The following SSPN variants were observed in gnomAD, a reference collection of about 807,000 sequenced individuals.
SSPN encodes K-ras oncogene-associated protein.
SSPN carries 15 observed loss-of-function variants against 19.1 expected under a neutral mutation model. The ratio of observed to expected loss-of-function variants is 0.78; its 90% CI spans 0.52 to 1.21. The LOEUF is 1.21. Among genes scored for constraint, SSPN ranks in the 50% most tolerant of loss-of-function variants. The pLI is 0.00. For synonymous variants in SSPN, 147 were observed against 140.3 expected, an observed-to-expected ratio of 1.05 and a Z score of -0.34; for missense variants, 291 against 314.0, an observed-to-expected ratio of 0.93 and a Z score of 0.55.
At chr12:26,186,781 A>G (rs1317036415) in intron 1 of SSPN, among the ~76,000 whole-genome samples, 1 of 152,244 alleles carries the variant, frequency 6.6e-6, no homozygotes, top group East Asian at 1.9e-4. Context: ...TAACCATTCA[A>G]CAAGTATGGA....
At chr12:26,170,303 A>G (rs909598982) in intron 1 of SSPN, among the ~76,000 whole-genome samples, 1 of 152,236 alleles carries the variant, frequency 6.6e-6, no homozygotes, top group Non-Finnish European at 1.5e-5. Flanking sequence ...ACTACAATAA[A>G]TTATTCTGTT....
At chr12:26,171,609 G>A (rs1336381523) in intron 1 of SSPN, among the ~76,000 whole-genome samples, 1 of 124,932 alleles carries the variant, frequency 8.0e-6, no homozygotes. Flanking sequence ...TTAGAATAAT[G>A]CCCCTGTTTT....
chr12:26,124,224 C>A, intron 1 of SSPN: 1 of 1,278,538 alleles, frequency 7.8e-7, no homozygotes, highest in Non-Finnish European at 1.1e-6. Flanking sequence ...GTAAGCGAAA[C>A]ATTCACTTAT....
intron 1 of SSPN, among the ~76,000 whole-genome samples, chr12:26,153,392 A>G (rs1019701819): frequency 6.6e-6 from 1 of 152,174 alleles, no homozygotes; most frequent in African/African-American, 2.4e-5. Flanking sequence ...CAAAGTACCT[A>G]TCACTGTCTA....
At chr12:26,131,437 G>A (rs1391591502) in intron 1 of SSPN, among the ~76,000 whole-genome samples, 1 of 152,226 alleles carries the variant, frequency 6.6e-6, no homozygotes, top group Non-Finnish European at 1.5e-5. Context: ...TGTGCCTTCT[G>A]CCTCTGGCAG....
intron 1 of SSPN, among the ~76,000 whole-genome samples, chr12:26,183,045 C>T (rs1047822899): frequency 3.3e-5 from 5 of 152,086 alleles, no homozygotes; most frequent in South Asian, 2.1e-4. Context: ...GGATTACAGG[C>T]GTGAGCCACT....
chr12:26,179,690 C>A (rs2137440430), intron 1 of SSPN, among the ~76,000 whole-genome samples: 1 of 152,198 alleles, frequency 6.6e-6, no homozygotes, highest in Admixed American at 6.5e-5. Context: ...TCCTAATAGG[C>A]CCTACAGAAT....
At chr12:26,137,315 C>T (rs935435530) in intron 1 of SSPN, among the ~76,000 whole-genome samples, 1 of 152,094 alleles carries the variant, frequency 6.6e-6, no homozygotes, top group Non-Finnish European at 1.5e-5. Flanking sequence ...TCCCAAAAAC[C>T]CAGACAAAAA....
chr12:26,229,009 A>G (rs1243727289), intron 2 of SSPN, among the ~76,000 whole-genome samples: 1 of 152,122 alleles, frequency 6.6e-6, no homozygotes, highest in Non-Finnish European at 1.5e-5. Flanking sequence ...TGATGGTACC[A>G]CTTTGTATAT....
rs1196464264 is a variant in SSPN at position 26,218,405 on chromosome 12, G to A, written c.280-5888G>A. ...CTAATGCTAGATGACGAGTTAGTGG[G>A]TGCAGCGCACCAGCATGGCACCTGT... On this transcript the variant is annotated intron_variant, in intron 1 of 2. Transcript: ENST00000242729. Among the ~76,000 whole-genome samples the A allele has an allele frequency of 2.3e-4, 26 of 110,898 alleles. 1 individual carries two copies. The highest frequency in any genetic ancestry group is 4.7e-4 in the Non-Finnish European group (26 of 55,552). The allele number at this position is 110,898 out of a possible 152,430, so 72.8% of individuals were successfully genotyped here.
At chr12:26,195,997 A>G in intron 1 of SSPN, 46 bp downstream of exon 1, 1 of 1,402,480 alleles carries the variant, frequency 7.1e-7, no homozygotes, top group African/African-American at 1.5e-5. Context: ...CCAAACAGGA[A>G]TGCGAAGTCG....
At chr12:26,215,364 A>G (rs1945036304) in intron 1 of SSPN, among the ~76,000 whole-genome samples, 1 of 152,204 alleles carries the variant, frequency 6.6e-6, no homozygotes, top group Non-Finnish European at 1.5e-5. Flanking sequence ...AGTAATGAGT[A>G]ATGTGCCAAA....
chr12:26,198,581 C>T (rs1042239049), intron 1 of SSPN, among the ~76,000 whole-genome samples: 2 of 152,212 alleles, frequency 1.3e-5, no homozygotes, highest in African/African-American at 4.8e-5. Context: ...TGTCACTCTT[C>T]AGAGGAAAGG....
At chr12:26,191,232 T>C (rs1944785592), upstream of SSPN, among the ~76,000 whole-genome samples, 1 of 152,220 alleles carries the variant, frequency 6.6e-6, no homozygotes, top group South Asian at 2.1e-4. Context: ...CAAAATTACA[T>C]GTAGAAAAAT....
intron 2 of SSPN, among the ~76,000 whole-genome samples, chr12:26,226,601 C>T (rs1222397955): frequency 6.6e-6 from 1 of 152,094 alleles, no homozygotes; most frequent in Non-Finnish European, 1.5e-5. Flanking sequence ...TTCCTTTTTC[C>T]TCCCTGGGCT....
At chr12:26,169,152 T>C (rs535917635) in intron 1 of SSPN, among the ~76,000 whole-genome samples, 5 of 152,290 alleles carry the variant, frequency 3.3e-5, no homozygotes, top group Admixed American at 1.3e-4. Context: ...TTTATTTCTT[T>C]AGTTTTGAAA....
intron 1 of SSPN, among the ~76,000 whole-genome samples, chr12:26,185,526 C>T (rs966280495): frequency 6.6e-6 from 1 of 152,152 alleles, no homozygotes; most frequent in African/African-American, 2.4e-5. Flanking sequence ...CCTCTACCCC[C>T]CTGGGCAGGG....
At chr12:26,221,966 A>G (rs1945126465) in intron 1 of SSPN, among the ~76,000 whole-genome samples, 1 of 152,218 alleles carries the variant, frequency 6.6e-6, no homozygotes, top group Non-Finnish European at 1.5e-5. Flanking sequence ...CTTATCCTTC[A>G]ATTTAGTATT....
intron 1 of SSPN, among the ~76,000 whole-genome samples, chr12:26,157,121 A>G (rs1944560579): frequency 6.6e-6 from 1 of 152,188 alleles, no homozygotes. Context: ...CTCCAGATGA[A>G]TGGCATTCAG....
Sources: gnomAD v4.1 joint callset for allele counts (sites outside exome capture counted in the v4.1 genomes callset) on GRCh38, gnomAD v4.1.1 for gene constraint, MANE v1.5 for transcripts, NCBI Gene and HGNC (gene_info 2026-07-23, HGNC 2026-07-21) for gene names.